The following GRM8 variants were observed in gnomAD, a reference collection of about 807,000 sequenced individuals.
GRM8 encodes metabotropic glutamate receptor 8.
GRM8 carries 47 observed loss-of-function variants against 87.2 expected under a neutral mutation model. That is an observed-to-expected ratio of 0.54 (90% CI 0.43 to 0.69). GRM8 has a LOEUF of 0.69. Among genes scored for constraint, GRM8 ranks in the 30% least tolerant of loss-of-function variants. The probability of loss-of-function intolerance (pLI) is 0.00; values close to 1 mark genes in which losing one functional copy is unlikely to be tolerated. For synonymous variants in GRM8, 396 were observed against 404.5 expected (o/e 0.98, Z 0.25); for missense variants, 1,019 against 1,139.2 (o/e 0.89, Z 1.52).
intron 2 of GRM8, among the ~76,000 whole-genome samples, chr7:127,114,922 C>G (rs1343871539): frequency 2.0e-5 from 3 of 151,988 alleles, no homozygotes; most frequent in Admixed American, 1.3e-4. Flanking sequence ...GCAGGAGCAG[C>G]ATATAGAGAA....
At chr7:127,118,155 T>C (rs1254049064) in intron 2 of GRM8, 1 of 152,208 alleles carries the variant, frequency 6.6e-6, no homozygotes, top group Non-Finnish European at 1.5e-5. Context: ...CCTAAGTTAG[T>C]AAACTTAGTA....
At chr7:127,067,621 G>A (rs978946660) in intron 3 of GRM8, among the ~76,000 whole-genome samples, 1 of 152,106 alleles carries the variant, frequency 6.6e-6, no homozygotes, top group Non-Finnish European at 1.5e-5. Context: ...TCCATAATCT[G>A]CTCTTGAGAG....
chr7:126,675,661 T>C (rs1241342436), intron 7 of GRM8, among the ~76,000 whole-genome samples: 1 of 152,190 alleles, frequency 6.6e-6, no homozygotes, highest in African/African-American at 2.4e-5. Context: ...TCTCAATAGA[T>C]GCAGAAAAAT....
chr7:126,559,215 C>T (rs909107998), intron 8 of GRM8, among the ~76,000 whole-genome samples: 12 of 143,392 alleles, frequency 8.4e-5, no homozygotes, highest in East Asian at 4.1e-4. Flanking sequence ...TGCAGTGGTG[C>T]GATCTCGGCT....
chr7:126,530,862 C>T (rs1443694742), intron 9 of GRM8, among the ~76,000 whole-genome samples: 1 of 152,166 alleles, frequency 6.6e-6, no homozygotes, highest in Non-Finnish European at 1.5e-5. Context: ...GCCTGTAGGG[C>T]AGTGGCATGA....
chr7:126,901,671 G>A (rs1586383662), intron 6 of GRM8, among the ~76,000 whole-genome samples: 1 of 152,266 alleles, frequency 6.6e-6, no homozygotes, highest in African/African-American at 2.4e-5. Context: ...ATCAAAGTCT[G>A]GGGGTGGCAG....
intron 7 of GRM8, among the ~76,000 whole-genome samples, chr7:126,702,052 A>G (rs1388327888): frequency 6.6e-6 from 1 of 152,218 alleles, no homozygotes. Flanking sequence ...TAGTGAATAT[A>G]GAAATAATAA....
chr7:126,881,937 T>C lies in GRM8; in HGVS notation c.1156+20605A>G, dbSNP rs1440096649. Among the ~76,000 whole-genome samples, 13 of 152,088 alleles carry C rather than the reference T, an allele frequency of 8.5e-5. No individual in the cohort carries two copies. In the East Asian group the frequency reaches 2.5e-3, roughly 29 times the overall value. ...CATGTAATAATAAAAGAATGAGTCA[T>C]AAAAGACAAGAATCAATGAGTGTTA... On this transcript the variant is annotated intron_variant, in intron 6 of 10. Coordinates refer to ENST00000339582, the MANE Select transcript of GRM8 (RefSeq NM_000845.3).
Position 127,106,632 on chromosome 7 carries a change from C to A in GRM8, c.591G>T (p.Pro197=), listed in dbSNP as rs778006257. The stretch of plus-strand genomic sequence containing the variant: ...TGGCTTGGGCTTGGTAGGAGTCAGG[C>A]GGAACCACTCGAGAGAAAAAGTCAT... ...TRYDFFSRVV[P]PDSYQAQAMV... Residue 197 remains proline, a synonymous_variant, in exon 3 of 11, where the codon CCG becomes CCT. Transcript: ENST00000339582. 5.0e-6 allele frequency: 8 copies of A among 1,613,776 alleles called. No individual in the cohort carries two copies. The African/African-American group carries it at 6.7e-5, about 13-fold the overall frequency.
intron 2 of GRM8, chr7:127,118,081 C>A (rs1332038875): frequency 6.6e-6 from 1 of 152,212 alleles, no homozygotes; most frequent in Non-Finnish European, 1.5e-5. Context: ...TATCTCCCAG[C>A]TAGCATTCAG....
intron 7 of GRM8, among the ~76,000 whole-genome samples, chr7:126,752,529 A>G (rs192088074): frequency 1.3e-5 from 2 of 152,246 alleles, no homozygotes; most frequent in East Asian, 3.9e-4. Flanking sequence ...AGACTCATGT[A>G]GAAGACATGC....
At chr7:126,857,981 G>A (rs1048860418) in intron 6 of GRM8, among the ~76,000 whole-genome samples, 1 of 152,128 alleles carries the variant, frequency 6.6e-6, no homozygotes, top group African/African-American at 2.4e-5. Flanking sequence ...AGGAAGGAAG[G>A]AAGAGAGGAA....
intron 6 of GRM8, among the ~76,000 whole-genome samples, chr7:126,804,176 T>G (rs373641535): frequency 2.6e-5 from 4 of 152,238 alleles, no homozygotes; most frequent in Non-Finnish European, 5.9e-5. Context: ...TTGTATTCCA[T>G]TGGCCTGATT....
chr7:126,896,493 T>G (rs1281419564), intron 6 of GRM8, among the ~76,000 whole-genome samples: 1 of 152,144 alleles, frequency 6.6e-6, no homozygotes, highest in Non-Finnish European at 1.5e-5. Context: ...GATGACTACC[T>G]ACTTCCTTCA....
At chr7:126,499,604 T>A (rs1473207034) in intron 9 of GRM8, among the ~76,000 whole-genome samples, 1 of 151,480 alleles carries the variant, frequency 6.6e-6, no homozygotes, top group African/African-American at 2.4e-5. Flanking sequence ...ATTCGGCCTT[T>A]AAAAAAAAGG....
intron 3 of GRM8, among the ~76,000 whole-genome samples, chr7:126,955,890 TG>T (rs1808626571): frequency 6.6e-6 from 1 of 152,162 alleles, no homozygotes; most frequent in Admixed American, 6.5e-5. Flanking sequence ...ATGTTTGCTA[TG>T]GGGGATTTTC....
intron 8 of GRM8, among the ~76,000 whole-genome samples, chr7:126,580,681 T>C (rs1051769962): frequency 2.0e-5 from 3 of 152,160 alleles, no homozygotes; most frequent in Non-Finnish European, 4.4e-5. Context: ...TTGTTAATCA[T>C]AGTTTCCTCT....
intron 6 of GRM8, among the ~76,000 whole-genome samples, chr7:126,825,211 T>G (rs10258445): frequency 6.6e-6 from 1 of 151,666 alleles, no homozygotes; most frequent in African/African-American, 2.4e-5. Context: ...GGACTAAAAA[T>G]GCACACCACC....
At chr7:127,103,161 C>T (rs1231595225) in intron 3 of GRM8, among the ~76,000 whole-genome samples, 1 of 152,148 alleles carries the variant, frequency 6.6e-6, no homozygotes, top group Non-Finnish European at 1.5e-5. Context: ...TGAGTTAATG[C>T]TACAATGAGT....
Sources: gnomAD v4.1 joint callset for allele counts (sites outside exome capture counted in the v4.1 genomes callset) on GRCh38, gnomAD v4.1.1 for gene constraint, MANE v1.5 for transcripts, NCBI Gene and HGNC (gene_info 2026-07-23, HGNC 2026-07-21) for gene names.